Variants in PXDNL observed in about 807,000 individuals in gnomAD.
PXDNL encodes probable oxidoreductase PXDNL.
In PXDNL, 145 loss-of-function variants were observed where a neutral mutation model predicts 150.8. The observed-to-expected ratio is 0.96, with a 90% CI of 0.84 to 1.10. The LOEUF is 1.10. PXDNL is among the 50% of genes least tolerant of loss of function. PXDNL has a pLI of 0.00. For synonymous variants in PXDNL, 757 were observed against 725.7 expected (o/e 1.04, Z -0.69); for missense variants, 2,087 against 1,873.9 (o/e 1.11, Z -2.10).
At chr8:51,568,683 GT>G (rs1442037514) in intron 3 of PXDNL, among the ~76,000 whole-genome samples, 3 of 151,710 alleles carry the variant, frequency 2.0e-5, no homozygotes, top group Non-Finnish European at 4.4e-5. Flanking sequence ...TACTTCAAAT[GT>G]TTTTTCTTCT....
intron 19 of PXDNL, among the ~76,000 whole-genome samples, chr8:51,347,808 C>T (rs570207296): frequency 3.9e-5 from 6 of 152,080 alleles, no homozygotes; most frequent in African/African-American, 1.4e-4. Context: ...TACTAAGGGA[C>T]CCACAGGTGC....
intron 1 of PXDNL, among the ~76,000 whole-genome samples, chr8:51,780,251 C>A (rs1347141411): frequency 6.6e-6 from 1 of 152,108 alleles, no homozygotes; most frequent in Non-Finnish European, 1.5e-5. Flanking sequence ...CTCCTAGGAC[C>A]TGCTGATTCC....
chr8:51,450,692 C>T (rs1809787748), intron 10 of PXDNL, among the ~76,000 whole-genome samples: 1 of 152,136 alleles, frequency 6.6e-6, no homozygotes, highest in Admixed American at 6.5e-5. Flanking sequence ...CACACAAATT[C>T]ATGGAAACCC....
intron 17 of PXDNL, among the ~76,000 whole-genome samples, chr8:51,377,833 C>A (rs888081149): frequency 6.6e-6 from 1 of 152,168 alleles, no homozygotes; most frequent in Admixed American, 6.5e-5. Context: ...CCCAGCCTCC[C>A]GGAGGAGCGC....
chr8:51,635,758 C>A (rs942074790), intron 2 of PXDNL, among the ~76,000 whole-genome samples: 10 of 152,008 alleles, frequency 6.6e-5, no homozygotes, highest in East Asian at 1.9e-4. Context: ...TAGTTTCACT[C>A]GTAAATTTTA....
intron 1 of PXDNL, among the ~76,000 whole-genome samples, chr8:51,739,643 G>A (rs955400801): frequency 1.3e-5 from 2 of 152,080 alleles, no homozygotes; most frequent in African/African-American, 4.8e-5. Flanking sequence ...GGGAGGCCGA[G>A]GCGGGTGGAT....
intron 17 of PXDNL, 101 bp from the exon 18 acceptor site, chr8:51,374,832 AAAAAG>A: frequency 7.3e-7 from 1 of 1,364,438 alleles, no homozygotes. Flanking sequence ...ATCCACACAA[AAAAAG>A]AAAAGTAGAT....
chr8:51,698,988 C>T (rs745456253), intron 1 of PXDNL, among the ~76,000 whole-genome samples: 7 of 152,118 alleles, frequency 4.6e-5, no homozygotes, highest in Admixed American at 1.3e-4. Flanking sequence ...CTAAACCTTG[C>T]GGTAAAGAAA....
chr8:51,386,041 A>G (rs1053685052), intron 17 of PXDNL, among the ~76,000 whole-genome samples: 3 of 152,196 alleles, frequency 2.0e-5, no homozygotes, highest in Non-Finnish European at 4.4e-5. Context: ...GAATAAAAGA[A>G]TAGCTCTCCA....
At chr8:51,588,070 A>G (rs547009452) in intron 3 of PXDNL, among the ~76,000 whole-genome samples, 17 of 152,340 alleles carry the variant, frequency 1.1e-4, no homozygotes, top group African/African-American at 3.6e-4. Flanking sequence ...AGGACATGAC[A>G]TTAAAGCTGG....
At chr8:51,416,547 C>A (rs1254495583) in intron 14 of PXDNL, among the ~76,000 whole-genome samples, 1 of 152,194 alleles carries the variant, frequency 6.6e-6, no homozygotes, top group Non-Finnish European at 1.5e-5. Context: ...TATCAGATAG[C>A]AAAGATACGC....
intron 12 of PXDNL, among the ~76,000 whole-genome samples, chr8:51,427,203 T>C (rs1157997361): frequency 6.6e-6 from 1 of 152,184 alleles, no homozygotes; most frequent in African/African-American, 2.4e-5. Flanking sequence ...ATGAAATAGA[T>C]AATTGAGATA....
At chr8:51,483,934 C>A (rs1810663024) in intron 5 of PXDNL, among the ~76,000 whole-genome samples, 1 of 152,020 alleles carries the variant, frequency 6.6e-6, no homozygotes, top group Non-Finnish European at 1.5e-5. Context: ...CATCTGTGTA[C>A]TTTTGATTTT....
chr8:51,360,867 ATCT>A (rs558953108), intron 19 of PXDNL, among the ~76,000 whole-genome samples: 3 of 152,178 alleles, frequency 2.0e-5, no homozygotes, highest in Non-Finnish European at 4.4e-5. Context: ...CTGTCCGTAA[ATCT>A]TCTTCCACCA....
At chr8:51,634,540 A>G (rs1254436658) in intron 2 of PXDNL, among the ~76,000 whole-genome samples, 2 of 152,154 alleles carry the variant, frequency 1.3e-5, no homozygotes, top group Non-Finnish European at 2.9e-5. Flanking sequence ...TTTGATAGGA[A>G]CAGTGCTGAA....
intron 1 of PXDNL, among the ~76,000 whole-genome samples, chr8:51,773,467 G>T (rs1024999288): frequency 6.6e-6 from 1 of 152,166 alleles, no homozygotes; most frequent in Non-Finnish European, 1.5e-5. Flanking sequence ...CTAATGAGCA[G>T]GGAGGGACAT....
intron 1 of PXDNL, among the ~76,000 whole-genome samples, chr8:51,770,612 A>T (rs1052002741): frequency 6.6e-6 from 1 of 152,342 alleles, no homozygotes; most frequent in African/African-American, 2.4e-5. Flanking sequence ...CAGAATGCAC[A>T]GGCCTTCGGC....
At chr8:51,664,686 C>A (rs547305679) in intron 1 of PXDNL, among the ~76,000 whole-genome samples, 1 of 152,110 alleles carries the variant, frequency 6.6e-6, no homozygotes, top group Non-Finnish European at 1.5e-5. Flanking sequence ...GGGAGTCAGA[C>A]ACATCCTCCC....
At chr8:51,578,059 A>G (rs112303651) in intron 3 of PXDNL, among the ~76,000 whole-genome samples, 2,012 of 142,696 alleles carry the variant, frequency 0.014, 48 homozygotes, top group Non-Finnish European at 0.022. Context: ...GGAAAGAAAG[A>G]AAGGAAAGAA....
Sources: allele counts gnomAD v4.1 joint callset (sites outside exome capture counted in the v4.1 genomes callset), GRCh38; gene constraint gnomAD v4.1.1; transcripts MANE v1.5; gene names NCBI Gene and HGNC (gene_info 2026-07-23, HGNC 2026-07-21).